Variants in PTPRG observed in about 807,000 individuals in gnomAD.
PTPRG encodes the protein protein tyrosine phosphatase receptor type G, also known as receptor-type tyrosine-protein phosphatase gamma.
Under a neutral mutation model 165.3 loss-of-function variants are expected in PTPRG, and 102 were observed. The observed-to-expected ratio is 0.62, with a 90% confidence interval of 0.53 to 0.73. PTPRG has a LOEUF of 0.73. Among genes scored for constraint, PTPRG ranks in the 30% least tolerant of loss-of-function variants. The pLI is 0.00. For missense variants in PTPRG, 1,866 were observed against 1,861.4 expected (o/e 1.00, Z -0.05); for synonymous variants, 675 against 669.5 (o/e 1.01, Z -0.13).
chr3:62,109,427 G>A (rs140687151), intron 5 of PTPRG, among the ~76,000 whole-genome samples: 4,459 of 152,228 alleles, frequency 0.029, 78 homozygotes, highest in East Asian at 0.077. Flanking sequence ...TACCAGTACC[G>A]TGCTGTTTTG....
intron 2 of PTPRG, among the ~76,000 whole-genome samples, chr3:61,844,689 A>G (rs1420033524): frequency 6.7e-6 from 1 of 149,306 alleles, no homozygotes; most frequent in African/African-American, 2.5e-5. Flanking sequence ...TTTGGTAGAG[A>G]TGCGTATCTT....
chr3:61,937,503 A>G (rs1412772003), intron 2 of PTPRG, among the ~76,000 whole-genome samples: 4 of 152,202 alleles, frequency 2.6e-5, no homozygotes, highest in Non-Finnish European at 5.9e-5. Flanking sequence ...AATACCCTTC[A>G]TTGAGGATTT....
intron 29 of PTPRG, 47 bp from the exon 30 acceptor site, chr3:62,293,114 T>C (rs752513488): frequency 2.1e-6 from 3 of 1,454,354 alleles, no homozygotes; most frequent in Non-Finnish European, 1.8e-6. Flanking sequence ...TTATGTGAAA[T>C]CACTAAACTG....
chr3:61,939,614 A>G (rs781627960), intron 2 of PTPRG, among the ~76,000 whole-genome samples: 1 of 152,224 alleles, frequency 6.6e-6, no homozygotes, highest in Non-Finnish European at 1.5e-5. Context: ...CTAGTTTTCA[A>G]TAATAGTACA....
chr3:62,207,383 C>G (rs182689223), intron 12 of PTPRG, among the ~76,000 whole-genome samples: 12 of 152,352 alleles, frequency 7.9e-5, no homozygotes, highest in Admixed American at 1.3e-4. Context: ...GAAGGTAAAA[C>G]AAGCAAATCC....
chr3:62,053,263 T>TG (rs1028710720), intron 4 of PTPRG, among the ~76,000 whole-genome samples: 1 of 136,242 alleles, frequency 7.3e-6, no homozygotes, highest in Non-Finnish European at 1.6e-5. Context: ...TTCACTGCCT[T>TG]GGGTTTTTTT....
chr3:62,183,814 G>C (rs781174731), intron 8 of PTPRG, among the ~76,000 whole-genome samples: 2 of 152,170 alleles, frequency 1.3e-5, no homozygotes, highest in African/African-American at 4.8e-5. Context: ...GAAGGGAGTG[G>C]GGATGGGGAA....
chr3:61,580,629 C>A (rs1700271038), intron 1 of PTPRG, among the ~76,000 whole-genome samples: 1 of 152,074 alleles, frequency 6.6e-6, no homozygotes, highest in Non-Finnish European at 1.5e-5. Context: ...GCCAATGCGC[C>A]CGGCCATCTG....
At chr3:62,235,704 CTG>C (rs1701016225) in intron 14 of PTPRG, among the ~76,000 whole-genome samples, 2 of 152,200 alleles carry the variant, frequency 1.3e-5, no homozygotes, top group Admixed American at 6.5e-5. Context: ...TCACTTCTGA[CTG>C]TACCAAAAGT....
chr3:61,716,115 C>T (rs1023757697), intron 1 of PTPRG, among the ~76,000 whole-genome samples: 31 of 152,270 alleles, frequency 2.0e-4, no homozygotes, highest in South Asian at 6.2e-4. Context: ...GCCACCGCCA[C>T]GCCCCTTTCC....
chr3:61,932,921 C>T (rs2039396101), intron 2 of PTPRG, among the ~76,000 whole-genome samples: 1 of 152,174 alleles, frequency 6.6e-6, no homozygotes, highest in Non-Finnish European at 1.5e-5. Flanking sequence ...TGGACCAAGA[C>T]TGGGGCTAGA....
chr3:61,814,672 C>G (rs2035701422), intron 2 of PTPRG, among the ~76,000 whole-genome samples: 1 of 151,626 alleles, frequency 6.6e-6, no homozygotes. Context: ...CATGCATAAG[C>G]AAAAGGAGAA....
intron 1 of PTPRG, among the ~76,000 whole-genome samples, chr3:61,650,787 G>A (rs545920873): frequency 4.0e-4 from 61 of 152,198 alleles, no homozygotes; most frequent in South Asian, 8.3e-4. Context: ...TTTAACTCTC[G>A]ATTTGCAAAA....
At chr3:62,140,094 T>C (rs1703865610) in intron 6 of PTPRG, among the ~76,000 whole-genome samples, 1 of 152,198 alleles carries the variant, frequency 6.6e-6, no homozygotes, top group South Asian at 2.1e-4. Context: ...CTTACACAAT[T>C]GCTGTTGCAT....
In PTPRG at chr3:62,015,241, G is replaced by T. The variant is rs189599919; in HGVS notation, c.519+11744G>T. Among the ~76,000 whole-genome samples the T allele has an allele frequency of 2.5e-4, 38 of 152,280 alleles. No homozygotes were observed. In the East Asian group the frequency reaches 7.0e-3, roughly 28 times the overall value. On this transcript the variant is annotated intron_variant, in intron 4 of 29. Transcript: ENST00000474889. ...CCTCAAGAGGCTTTTTCTTCAGCAG[G>T]CACTGAGGCCCTGAGACAGGAGCCT...
At chr3:61,836,081 A>G (rs2036452943) in intron 2 of PTPRG, among the ~76,000 whole-genome samples, 1 of 137,024 alleles carries the variant, frequency 7.3e-6, no homozygotes. Context: ...AAATATATAT[A>G]TATATACACA....
intron 1 of PTPRG, among the ~76,000 whole-genome samples, chr3:61,586,389 C>G (rs952899803): frequency 6.6e-6 from 1 of 152,172 alleles, no homozygotes; most frequent in Non-Finnish European, 1.5e-5. Flanking sequence ...GGATTGGACT[C>G]TCGTGTATGA....
chr3:61,885,750 C>T (rs1327565910), intron 2 of PTPRG, among the ~76,000 whole-genome samples: 2 of 110,854 alleles, frequency 1.8e-5, no homozygotes, highest in East Asian at 2.6e-4. Flanking sequence ...GTGGCACTAT[C>T]GTAGCTCTCT....
intron 1 of PTPRG, among the ~76,000 whole-genome samples, chr3:61,730,249 G>A (rs961095527): frequency 3.0e-5 from 4 of 133,074 alleles, no homozygotes; most frequent in Admixed American, 1.5e-4. Context: ...CTCAGCTGTC[G>A]TGCTTTTACA....
Sources: allele counts gnomAD v4.1 joint callset (sites outside exome capture counted in the v4.1 genomes callset), GRCh38; gene constraint gnomAD v4.1.1; transcripts MANE v1.5; gene names NCBI Gene and HGNC (gene_info 2026-07-23, HGNC 2026-07-21).